The following ASCC3 variants were observed in gnomAD, a reference collection of about 807,000 sequenced individuals.
ASCC3 encodes activating signal cointegrator 1 complex subunit 3, also known as ASC-1 complex subunit P200.
A neutral mutation model predicts 256.3 loss-of-function variants in ASCC3; 158 were observed. The observed-to-expected ratio is 0.62, with a 90% confidence interval of 0.54 to 0.70. The LOEUF is 0.70. Among genes scored for constraint, ASCC3 ranks in the 30% least tolerant of loss-of-function variants. The probability of loss-of-function intolerance (pLI) is 0.00; values close to 1 mark genes in which losing one functional copy is unlikely to be tolerated. For synonymous variants in ASCC3, 948 were observed against 883.4 expected (o/e 1.07, Z -1.30); for missense variants, 2,259 against 2,626.0 (o/e 0.86, Z 3.05).
chr6:100,738,442 CAGT>C (rs1780283573), intron 10 of ASCC3, among the ~76,000 whole-genome samples: 1 of 152,134 alleles, frequency 6.6e-6, no homozygotes. Flanking sequence ...TATGGCTAGC[CAGT>C]TCTCTCACCA....
chr6:100,650,061 G>A (rs963715818), intron 20 of ASCC3, among the ~76,000 whole-genome samples: 5 of 151,518 alleles, frequency 3.3e-5, no homozygotes, highest in Non-Finnish European at 5.9e-5. Context: ...AAAAACCAGA[G>A]ACATCACACT....
intron 14 of ASCC3, among the ~76,000 whole-genome samples, chr6:100,668,713 G>A (rs2114944273): frequency 6.6e-6 from 1 of 151,984 alleles, no homozygotes; most frequent in South Asian, 2.1e-4. Context: ...AAAACAAAAT[G>A]CCACAACTAA....
intron 5 of ASCC3, among the ~76,000 whole-genome samples, chr6:100,801,662 A>C (rs1357140830): frequency 1.3e-5 from 2 of 152,030 alleles, no homozygotes; most frequent in African/African-American, 4.8e-5. Context: ...CATCTATATT[A>C]GGACTAAATT....
chr6:100,818,290 C>T (rs531269368), intron 4 of ASCC3, among the ~76,000 whole-genome samples: 1 of 152,008 alleles, frequency 6.6e-6, no homozygotes, highest in African/African-American at 2.4e-5. Context: ...CACAGCTGGC[C>T]AGGCACGGTG....
chr6:100,880,167 T>C (rs575988290), intron 1 of ASCC3, among the ~76,000 whole-genome samples: 25 of 152,240 alleles, frequency 1.6e-4, no homozygotes, highest in Non-Finnish European at 2.9e-4. Context: ...TCTTTAAGGA[T>C]CATTTTTCTC....
chr6:100,611,195 T>C (rs950910478), intron 30 of ASCC3, among the ~76,000 whole-genome samples: 2 of 152,144 alleles, frequency 1.3e-5, no homozygotes, highest in African/African-American at 2.4e-5. Flanking sequence ...ACTGTTTGTT[T>C]ATCTGAACTG....
intron 36 of ASCC3, among the ~76,000 whole-genome samples, chr6:100,565,133 C>G (rs891189565): frequency 1.3e-5 from 2 of 152,116 alleles, no homozygotes; most frequent in Non-Finnish European, 2.9e-5. Flanking sequence ...ATTAAATTGA[C>G]CAGAGCTTTA....
intron 8 of ASCC3, among the ~76,000 whole-genome samples, chr6:100,786,799 G>T (rs560594353): frequency 6.6e-6 from 1 of 152,198 alleles, no homozygotes; most frequent in East Asian, 1.9e-4. Flanking sequence ...ACAACACTTT[G>T]AAACCGCACT....
intron 10 of ASCC3, among the ~76,000 whole-genome samples, chr6:100,753,277 A>G (rs1425310189): frequency 4.7e-5 from 7 of 149,456 alleles, no homozygotes; most frequent in Non-Finnish European, 1.0e-4. Context: ...ATCATTGGCA[A>G]GTAGTTTTTT....
intron 8 of ASCC3, among the ~76,000 whole-genome samples, chr6:100,797,358 G>C (rs1769671673): frequency 6.6e-6 from 1 of 150,934 alleles, no homozygotes; most frequent in African/African-American, 2.4e-5. Context: ...GCTGAGGCAG[G>C]AGAATTGCTT....
chr6:100,559,012 C>A (rs563492541), intron 36 of ASCC3, among the ~76,000 whole-genome samples: 10 of 151,962 alleles, frequency 6.6e-5, no homozygotes, highest in Non-Finnish European at 1.3e-4. Flanking sequence ...GATTTGGACT[C>A]AGTATTAACA....
At chr6:100,751,816 TC>T (rs1780959217) in intron 10 of ASCC3, among the ~76,000 whole-genome samples, 1 of 152,018 alleles carries the variant, frequency 6.6e-6, no homozygotes, top group Non-Finnish European at 1.5e-5. Flanking sequence ...TGTGCTAAAG[TC>T]CTCAATACTA....
At chr6:100,765,660 C>T (rs770683213) in intron 10 of ASCC3, among the ~76,000 whole-genome samples, 1 of 152,220 alleles carries the variant, frequency 6.6e-6, no homozygotes, top group Non-Finnish European at 1.5e-5. Context: ...ACCCCAATCA[C>T]ATTGAGCACA....
chr6:100,560,790 C>CAG (rs1361201564), intron 36 of ASCC3, among the ~76,000 whole-genome samples: 25 of 150,686 alleles, frequency 1.7e-4, no homozygotes. Context: ...CACACACACA[C>CAG]ACGCACACAT....
intron 17 of ASCC3, among the ~76,000 whole-genome samples, chr6:100,653,918 A>C (rs1775796711): frequency 6.6e-6 from 1 of 152,002 alleles, no homozygotes; most frequent in South Asian, 2.1e-4. Context: ...TATGACCTTT[A>C]ATGGAGTAGG....
At chr6:100,682,360 TA>T (rs1319976829) in intron 13 of ASCC3, among the ~76,000 whole-genome samples, 1 of 152,214 alleles carries the variant, frequency 6.6e-6, no homozygotes, top group East Asian at 1.9e-4. Context: ...AATCACAAAA[TA>T]TTTTTTACTT....
At chr6:100,728,815 C>T (rs565377614) in intron 10 of ASCC3, among the ~76,000 whole-genome samples, 5 of 152,086 alleles carry the variant, frequency 3.3e-5, no homozygotes, top group Non-Finnish European at 4.4e-5. Flanking sequence ...TCCATAGCTG[C>T]GGATGGCCTA....
chr6:100,728,198 T>C (rs1165726090), intron 10 of ASCC3, among the ~76,000 whole-genome samples: 1 of 151,874 alleles, frequency 6.6e-6, no homozygotes, highest in Non-Finnish European at 1.5e-5. Context: ...AAATAATGAA[T>C]ATATATTTTT....
chr6:100,833,573 T>C (rs1000142984), intron 4 of ASCC3, among the ~76,000 whole-genome samples: 1 of 152,214 alleles, frequency 6.6e-6, no homozygotes, highest in Non-Finnish European at 1.5e-5. Context: ...AAGAACTCTA[T>C]ACGTTTCACT....
Sources: allele counts gnomAD v4.1 joint callset (sites outside exome capture counted in the v4.1 genomes callset), GRCh38; gene constraint gnomAD v4.1.1; transcripts MANE v1.5; gene names NCBI Gene and HGNC (gene_info 2026-07-23, HGNC 2026-07-21).